Variants in EDARADD observed in about 807,000 individuals in gnomAD.
The protein encoded by EDARADD is EDAR associated via death domain.
EDARADD carries 20 observed loss-of-function variants against 25.6 expected under a neutral mutation model. The observed-to-expected ratio is 0.78, with a 90% confidence interval of 0.55 to 1.14. The LOEUF (loss-of-function observed/expected upper bound fraction) is 1.14, where lower values mean the gene tolerates loss of function less well. EDARADD is among the 50% of genes most tolerant of loss of function. The pLI is 0.00. For missense variants in EDARADD, 225 were observed against 270.1 expected, an observed-to-expected ratio of 0.83 and a Z score of 1.17; for synonymous variants, 86 against 94.4, an observed-to-expected ratio of 0.91 and a Z score of 0.52.
chr1:236,484,271 G>C lies in EDARADD; in HGVS notation c.*1622G>C, dbSNP rs980501327. On this transcript the variant is annotated 3_prime_UTR_variant, in exon 6 of 6. Transcript: ENST00000334232. The surrounding 1 kb of genome is among the most constrained non-coding windows in gnomAD (Gnocchi z 4.1). ...AGGCCAATGGTTGGTGTGTCATGGT[G>C]CCTCATCATTCTGGGGAGACTGAAA... The C allele has an allele frequency of 8.2e-6, 8 of 970,262 alleles. No individual in the cohort carries two copies. Among genetic ancestry groups the C allele is most frequent in the Non-Finnish European group, 1.3e-5 (8 of 593,926 alleles). 60.1% of individuals were successfully genotyped at this position (970,262 alleles called of 1,614,324 possible).
chr1:236,368,069 C>T (rs1667130684), intron 3 of EDARADD, among the ~76,000 whole-genome samples: 1 of 152,126 alleles, frequency 6.6e-6, no homozygotes, highest in African/African-American at 2.4e-5. Context: ...CATAGTGAGA[C>T]ACTGCATTGC....
At chr1:236,420,223 G>A (rs1442260514) in intron 3 of EDARADD, among the ~76,000 whole-genome samples, 1 of 152,154 alleles carries the variant, frequency 6.6e-6, no homozygotes, top group African/African-American at 2.4e-5. Flanking sequence ...GACTGCTAAT[G>A]AAGGTAAAAA....
intron 3 of EDARADD, among the ~76,000 whole-genome samples, chr1:236,377,175 A>C (rs1667234195): frequency 6.7e-6 from 1 of 150,084 alleles, no homozygotes; most frequent in Non-Finnish European, 1.5e-5. Context: ...ATTTATTTTG[A>C]GACAGAGTCT....
intron 3 of EDARADD, among the ~76,000 whole-genome samples, chr1:236,365,190 G>C (rs1667098889): frequency 6.6e-6 from 1 of 151,392 alleles, no homozygotes; most frequent in Non-Finnish European, 1.5e-5. Context: ...TTGAGACAGG[G>C]TCTTTCTCTG....
intron 1 of EDARADD, among the ~76,000 whole-genome samples, chr1:236,402,248 C>T (rs1448565832): frequency 1.3e-5 from 2 of 152,200 alleles, no homozygotes; most frequent in Non-Finnish European, 2.9e-5. Flanking sequence ...AGATGTGAGC[C>T]ACTGTGCCCA....
At chr1:236,406,830 C>T (rs540743626) in intron 1 of EDARADD, among the ~76,000 whole-genome samples, 115 of 152,352 alleles carry the variant, frequency 7.5e-4, no homozygotes, top group African/African-American at 2.7e-3. Context: ...GCTCCCCAGG[C>T]TGCGAGTGCT....
chr1:236,447,233 C>CTTTCTTTCTTTCTTT lies in EDARADD; in HGVS notation c.219+19783_219+19784insTTTCTTTCTTTCTTT, dbSNP rs59368020. 1.1e-4 allele frequency among the ~76,000 whole-genome samples: 11 copies of CTTTCTTTCTTTCTTT among 104,624 alleles called. 1 individual carries two copies. Among genetic ancestry groups the CTTTCTTTCTTTCTTT allele is most frequent in the African/African-American group, 4.2e-4 (10 of 23,570 alleles). The allele number at this position is 104,624 out of a possible 152,430, so 68.6% of individuals were successfully genotyped here. On this transcript the variant is annotated intron_variant, in intron 4 of 5. Transcript: ENST00000334232. ...CTTTCTTTCTTTCTTTCCTTTCTTT[C>CTTTCTTTCTTTCTTT]CTTTCTTTCCTTTCTTTCCTTTCTT... is the stretch of plus-strand genomic sequence containing the variant.
intron 2 of EDARADD, chr1:236,350,601 A>G (rs1666904799): frequency 6.6e-6 from 1 of 152,314 alleles, no homozygotes; most frequent in South Asian, 2.1e-4. Flanking sequence ...TGAGCTGAGC[A>G]GAGGCGGTTG....
In EDARADD at chr1:236,398,049, T is replaced by C. The variant is rs529432696; in HGVS notation, c.61+3544T>C. Among the ~76,000 whole-genome samples, 84 of 152,334 alleles carry C rather than the reference T, an allele frequency of 5.5e-4. No individual in the cohort carries two copies. The highest frequency in any genetic ancestry group is 1.1e-3 in the Non-Finnish European group (75 of 68,028). On this transcript the variant is annotated intron_variant, in intron 1 of 5. Coordinates refer to ENST00000334232, the MANE Select transcript of EDARADD (RefSeq NM_145861.4). This position sits in a 1 kb window ranked among gnomAD's most constrained non-coding sequence, Gnocchi z 4.1. ...CTGGTGTTTTCACACCATTCCAACGTAGGTTTTCACACCCACTCTTGCCTT... is the reference window on the plus strand; with the variant it reads ...CTGGTGTTTTCACACCATTCCAACGCAGGTTTTCACACCCACTCTTGCCTT...
At chr1:236,389,433 C>G (rs1207205594), upstream of EDARADD, among the ~76,000 whole-genome samples, 1 of 152,100 alleles carries the variant, frequency 6.6e-6, no homozygotes, top group African/African-American at 2.4e-5. Flanking sequence ...AGTGAGTAAA[C>G]AATTCAAAGT....
At chr1:236,368,612 G>T (rs1444881998) in intron 3 of EDARADD, among the ~76,000 whole-genome samples, 1 of 151,818 alleles carries the variant, frequency 6.6e-6, no homozygotes, top group Non-Finnish European at 1.5e-5. Context: ...GGCTAATTTT[G>T]TATTTTTAGT....
rs536073419 is a variant in EDARADD, at chr1:236,468,603, G to C, written c.265+327G>C. On this transcript the variant is annotated intron_variant, in intron 5 of 5. Transcript: ENST00000334232. Reference sequence around the variant, plus strand: ...CCACTGCACTCCAGCCTGGACAACAGAGCGAAACTCCATCTCAAAAAATTA... The same window carrying C: ...CCACTGCACTCCAGCCTGGACAACACAGCGAAACTCCATCTCAAAAAATTA... Among the ~76,000 whole-genome samples the C allele has an allele frequency of 3.9e-5, 6 of 152,232 alleles. No homozygotes were observed. In the South Asian group the frequency reaches 1.2e-3, roughly 32 times the overall value.
At chr1:236,394,003 A>AG (rs2102999932), upstream of EDARADD, among the ~76,000 whole-genome samples, 1 of 57,990 alleles carries the variant, frequency 1.7e-5, no homozygotes, top group South Asian at 1.3e-3. Flanking sequence ...TCTTCCTTAA[A>AG]AAAAAAAACC....
chr1:236,455,236 A>G (rs1434234511), intron 4 of EDARADD, among the ~76,000 whole-genome samples: 4 of 151,012 alleles, frequency 2.6e-5, no homozygotes, highest in African/African-American at 9.7e-5. Context: ...GTGGATGGAG[A>G]GGCAGTGGGC....
In EDARADD at chr1:236,380,250, T is replaced by C. The variant is rs537985262; in HGVS notation, c.-5-28966T>C. Reference sequence around the variant, plus strand: ...AAAGTGCTAAAGGTGTAAGTTGAGATAGGAAAAAGTCTGAAGTCACTTCAC... The same window carrying C: ...AAAGTGCTAAAGGTGTAAGTTGAGACAGGAAAAAGTCTGAAGTCACTTCAC... On this transcript the variant is annotated intron_variant, in intron 3 of 7. Transcript: ENST00000439430. 3.9e-5 allele frequency among the ~76,000 whole-genome samples: 6 copies of C among 152,318 alleles called. No homozygotes were observed. The South Asian group carries it at 1.2e-3, about 32-fold the overall frequency.
intron 3 of EDARADD, among the ~76,000 whole-genome samples, chr1:236,415,991 A>T (rs1558116759): frequency 6.6e-6 from 1 of 152,120 alleles, no homozygotes; most frequent in Non-Finnish European, 1.5e-5. Context: ...TCGTAGAGAG[A>T]TCCCCAGGGC....
chr1:236,447,170 C>CTT lies in EDARADD; in HGVS notation c.219+19721_219+19722insTT, dbSNP rs1491458683. On this transcript the variant is annotated intron_variant, in intron 4 of 5. Coordinates refer to ENST00000334232, the MANE Select transcript of EDARADD (RefSeq NM_145861.4). ...CCTTCCTTCCTCCCTCCCTCCCTCC[C>CTT]TCTTTCTTTCTTTCTTTCTTTCTTT... Among the ~76,000 whole-genome samples, 75 of 93,680 alleles carry CTT rather than the reference C, an allele frequency of 8.0e-4. 2 individuals are homozygous for CTT. Among genetic ancestry groups the CTT allele is most frequent in the African/African-American group, 1.8e-3 (36 of 19,760 alleles). 61.5% of individuals were successfully genotyped at this position (93,680 alleles called of 152,430 possible). A position where few individuals can be genotyped will look rare whatever the true frequency, so the allele number is the denominator to read the frequency against.
At position 236,401,872 on chromosome 1, in the gene EDARADD, A is replaced by G. The variant is rs10925117; in HGVS notation, c.62-7344A>G. Among the ~76,000 whole-genome samples the G allele has an allele frequency of 9.7e-3, 1,480 of 152,308 alleles. 24 individuals are homozygous for G. The highest frequency in any genetic ancestry group is 0.034 in the African/African-American group (1,397 of 41,572). On this transcript the variant is annotated intron_variant, in intron 1 of 5. Coordinates refer to ENST00000334232, the MANE Select transcript of EDARADD (RefSeq NM_145861.4). ...AAATCATCAGAGTGGGCTCTAAACC[A>G]ATATGATTGGTGCCCATATAAAAAG...
chr1:236,382,253 C>A (rs1188654102), intron 3 of EDARADD, among the ~76,000 whole-genome samples: 2 of 152,084 alleles, frequency 1.3e-5, no homozygotes, highest in African/African-American at 4.8e-5. Context: ...ATATTTTCTT[C>A]TGCAATATCT....
Sources: allele counts gnomAD v4.1 joint callset (sites outside exome capture counted in the v4.1 genomes callset), GRCh38; gene constraint gnomAD v4.1.1; non-coding constraint Gnocchi (gnomAD v3.1); transcripts MANE v1.5; gene names NCBI Gene and HGNC (gene_info 2026-07-23, HGNC 2026-07-21).